TOM1: variants seen among roughly 807,000 people sequenced by gnomAD.
TOM1 encodes target of myb1 membrane trafficking protein.
TOM1 carries 38 observed loss-of-function variants against 61.3 expected under a neutral mutation model. The observed-to-expected ratio is 0.62, with a 90% CI of 0.48 to 0.81. The LOEUF (loss-of-function observed/expected upper bound fraction) is 0.81, where lower values mean the gene tolerates loss of function less well. Ranked by LOEUF, TOM1 falls within the 40% of genes least tolerant of loss-of-function variation. The pLI is 0.00. For missense variants in TOM1, 591 were observed against 659.6 expected, an observed-to-expected ratio of 0.90 and a Z score of 1.14; for synonymous variants, 270 against 268.8, an observed-to-expected ratio of 1.00 and a Z score of -0.04.
At chr22:35,345,327 G>A (rs1481039244) in intron 12 of TOM1, 5 of 244,498 alleles carry the variant, frequency 2.0e-5, no homozygotes, top group Non-Finnish European at 3.3e-5. Context: ...AAATGCCTGG[G>A]GTCTGACCCT....
chr22:35,331,375 G>A (rs892019223), intron 8 of TOM1: 2 of 453,328 alleles, frequency 4.4e-6, no homozygotes, highest in Non-Finnish European at 8.9e-6. Flanking sequence ...GCCTCCGAAA[G>A]CATTGGTATT....
chr22:35,301,600 G>A (rs921864006), intron 1 of TOM1, among the ~76,000 whole-genome samples: 1 of 152,196 alleles, frequency 6.6e-6, no homozygotes, highest in Non-Finnish European at 1.5e-5. Flanking sequence ...TTTAAGATGA[G>A]ACATATTTTC....
At chr22:35,344,135 G>A (rs2267336) in intron 12 of TOM1, 55,796 of 152,292 alleles carry the variant, frequency 0.37, 12,064 homozygotes, top group African/African-American at 0.6. Context: ...CCTGTTAGAA[G>A]CCGCGCCCTC....
At chr22:35,340,976 T>C (rs1601713943) in intron 12 of TOM1, among the ~76,000 whole-genome samples, 1 of 152,028 alleles carries the variant, frequency 6.6e-6, no homozygotes, top group East Asian at 1.9e-4. Context: ...AACAAGAGAA[T>C]CCAGTACCTC....
At chr22:35,309,362 G>T (rs1926617917) in intron 1 of TOM1, among the ~76,000 whole-genome samples, 1 of 152,156 alleles carries the variant, frequency 6.6e-6, no homozygotes, top group Non-Finnish European at 1.5e-5. Flanking sequence ...AACTGAAAGA[G>T]GCCAGGCGCA....
chr22:35,347,059 T>C lies in TOM1; in HGVS notation c.1329T>C (p.Phe443=). 3 of 1,612,042 alleles carry C rather than the reference T, an allele frequency of 1.9e-6. No individual in the cohort carries two copies. The highest frequency in any genetic ancestry group is 2.5e-6 in the Non-Finnish European group (3 of 1,178,892). The change falls in exon 15 of 15, where the codon TTT becomes TTC. Residue 443 remains phenylalanine, a synonymous_variant. Transcript: ENST00000449058. Reference sequence around the variant, plus strand: ...CACCCTCTCCCCTTCCTCTAGAATTTGACAAATTCCTGGAAGAACGGGCCA... The same window carrying C: ...CACCCTCTCCCCTTCCTCTAGAATTCGACAAATTCCTGGAAGAACGGGCCA... ...EEPKGVTSEE[F]DKFLEERAKA...
Position 35,329,669 on chromosome 22 carries a change from A to G in TOM1, c.766-678A>G, listed in dbSNP as rs374494441. ...AGTTCATTCTGTATGCTTTGGTTGC[A>G]AAAATCACAGCATACCCCCAGAAGT... On this transcript the variant is annotated intron_variant, in intron 7 of 14. Coordinates refer to ENST00000449058, the MANE Select transcript of TOM1 (RefSeq NM_005488.3). 2.6e-4 allele frequency among the ~76,000 whole-genome samples: 39 copies of G among 152,364 alleles called. No homozygotes were observed. The South Asian group carries it at 7.7e-3, about 30-fold the overall frequency.
intron 12 of TOM1, among the ~76,000 whole-genome samples, chr22:35,341,227 A>C (rs1929853285): frequency 6.6e-6 from 1 of 152,240 alleles, no homozygotes; most frequent in African/African-American, 2.4e-5. Flanking sequence ...AGTTCCAGGA[A>C]GAGCTTAAGT....
At chr22:35,304,841 C>T (rs1926178107) in intron 1 of TOM1, among the ~76,000 whole-genome samples, 1 of 152,218 alleles carries the variant, frequency 6.6e-6, no homozygotes, top group Admixed American at 6.5e-5. Context: ...TGTCAGCTTA[C>T]CCCTAAGCAC....
intron 12 of TOM1, among the ~76,000 whole-genome samples, chr22:35,340,346 C>T (rs987755596): frequency 2.4e-4 from 36 of 152,256 alleles, no homozygotes; most frequent in African/African-American, 8.4e-4. Context: ...GACCTCAGCG[C>T]GGCTAGGAGC....
At chr22:35,308,275 C>CTTTTTTTTTTTTTTTTTTTTTT (rs138770) in intron 1 of TOM1, among the ~76,000 whole-genome samples, 1 of 129,442 alleles carries the variant, frequency 7.7e-6, no homozygotes. Flanking sequence ...TTCCTTTTCT[C>CTTTTTTTTTTTTTTTTTTTTTT]TTTTTTTTTT....
chr22:35,327,593 C>T (rs1006968449), intron 7 of TOM1, among the ~76,000 whole-genome samples: 7 of 152,176 alleles, frequency 4.6e-5, no homozygotes, highest in Admixed American at 3.9e-4. Flanking sequence ...AACAAAGTAG[C>T]CCCCCTGGCC....
Position 35,346,923 on chromosome 22 carries a change from T to C in TOM1, c.1285-7T>C, listed in dbSNP as rs371363414. ...AACCTCTGCCTCCTTTCCTTCTACC[T>C]TCCCAGGGTAATGATGCGGAAGAGC... On this transcript the variant is annotated splice_polypyrimidine_tract_variant and splice_region_variant and intron_variant, in intron 13 of 14. Coordinates refer to ENST00000449058, the MANE Select transcript of TOM1 (RefSeq NM_005488.3). The C allele has an allele frequency of 1.2e-6, 2 of 1,612,386 alleles. No individual in the cohort carries two copies. The highest frequency in any genetic ancestry group is 1.7e-6 in the Non-Finnish European group (2 of 1,179,434).
chr22:35,299,645 C>T, upstream of TOM1: 1 of 492,220 alleles, frequency 2.0e-6, no homozygotes, highest in South Asian at 2.1e-5. Flanking sequence ...CCTAAAAGGT[C>T]AGGGGCGTGG....
chr22:35,343,397 TAC>T (rs779134594), intron 12 of TOM1, among the ~76,000 whole-genome samples: 3 of 100,410 alleles, frequency 3.0e-5, no homozygotes, highest in South Asian at 7.0e-4. Flanking sequence ...CTCATAAACC[TAC>T]ACACACAGCC....
At chr22:35,326,789 G>A (rs1928354253) in intron 6 of TOM1, among the ~76,000 whole-genome samples, 2 of 151,666 alleles carry the variant, frequency 1.3e-5, no homozygotes, top group South Asian at 2.1e-4. Context: ...GAGAGAGGGT[G>A]GGATCCCAGT....
At chr22:35,334,671 A>C (rs527598163) in intron 11 of TOM1, among the ~76,000 whole-genome samples, 30 of 152,210 alleles carry the variant, frequency 2.0e-4, no homozygotes, top group African/African-American at 6.7e-4. Flanking sequence ...GGGGGAGCCT[A>C]ATGACCCACT....
intron 1 of TOM1, 75 bp downstream of exon 1, chr22:35,300,055 G>C (rs770877475): frequency 6.6e-7 from 1 of 1,522,472 alleles, no homozygotes; most frequent in Non-Finnish European, 8.9e-7. Flanking sequence ...AAGCCTCCGG[G>C]TGCCTAGTCA....
At chr22:35,322,074 C>A in intron 3 of TOM1, 37 bp downstream of exon 3, 1 of 1,593,114 alleles carries the variant, frequency 6.3e-7, no homozygotes, top group South Asian at 1.1e-5. Flanking sequence ...GGCAGGACTA[C>A]GGTCCACTGA....
Sources: gnomAD v4.1 joint callset for allele counts (sites outside exome capture counted in the v4.1 genomes callset) on GRCh38, gnomAD v4.1.1 for gene constraint, MANE v1.5 for transcripts, NCBI Gene and HGNC (gene_info 2026-07-23, HGNC 2026-07-21) for gene names.